Variants in MATR3 observed in about 807,000 individuals in gnomAD.
The protein encoded by MATR3 is matrin 3.
Under a neutral mutation model 85.5 loss-of-function variants are expected in MATR3, and 4 were observed. The observed-to-expected ratio is 0.05, with a 90% CI of 0.02 to 0.11. The LOEUF (loss-of-function observed/expected upper bound fraction) is 0.11, where lower values mean the gene tolerates loss of function less well. Ranked by LOEUF, MATR3 falls within the 10% of genes least tolerant of loss-of-function variation. The pLI, the probability that MATR3 is intolerant of heterozygous loss-of-function variation, is 1.00. For missense variants in MATR3, 685 were observed against 1,016.1 expected, an observed-to-expected ratio of 0.67 and a Z score of 4.43; for synonymous variants, 336 against 343.1, an observed-to-expected ratio of 0.98 and a Z score of 0.23.
At chr5:139,310,322 T>G (rs1010744411) in intron 2 of MATR3, 1 of 152,176 alleles carries the variant, frequency 6.6e-6, no homozygotes, top group African/African-American at 2.4e-5. Flanking sequence ...TTGAGAACTA[T>G]TTTAGAGGCC....
chr5:139,327,306 T>G (rs1441289474), intron 14 of MATR3, among the ~76,000 whole-genome samples: 1 of 141,574 alleles, frequency 7.1e-6, no homozygotes. Flanking sequence ...TCACTTCTGT[T>G]TTTTTTTTTT....
intron 5 of MATR3, 103 bp downstream of exon 5, chr5:139,316,291 G>A (rs553369952): frequency 1.3e-5 from 11 of 858,696 alleles, no homozygotes; most frequent in Non-Finnish European, 2.1e-5. Flanking sequence ...TATCGCCCAG[G>A]CTGGAGTGCA....
At chr5:139,310,554 AT>A (rs1754917579) in intron 2 of MATR3, 1 of 152,156 alleles carries the variant, frequency 6.6e-6, no homozygotes. Flanking sequence ...ATAATGAAAA[AT>A]TTTTAAACAT....
At chr5:139,295,605 T>TA (rs1406103809) in intron 1 of MATR3, among the ~76,000 whole-genome samples, 1 of 152,260 alleles carries the variant, frequency 6.6e-6, no homozygotes, top group East Asian at 2.0e-4. Flanking sequence ...TCTTTAAACA[T>TA]ACTAATTTTT....
intron 2 of MATR3, chr5:139,313,121 A>C (rs1487498469): frequency 6.8e-6 from 1 of 147,838 alleles, no homozygotes; most frequent in African/African-American, 2.5e-5. Context: ...TTGGTACCTT[A>C]CTCTAATTTA....
chr5:139,321,748 A>T, intron 9 of MATR3, 150 bp from the exon 10 acceptor site: 2 of 792,504 alleles, frequency 2.5e-6, no homozygotes, highest in Non-Finnish European at 4.0e-6. Context: ...GCGCCACTGC[A>T]TTCCAGCCTG....
intron 1 of MATR3, among the ~76,000 whole-genome samples, chr5:139,297,682 A>G (rs1164455755): frequency 6.6e-6 from 1 of 151,912 alleles, no homozygotes; most frequent in Non-Finnish European, 1.5e-5. Context: ...AGTGCCTTTG[A>G]TGTGATGTAT....
intron 3 of MATR3, among the ~76,000 whole-genome samples, chr5:139,284,195 T>C (rs1274349741): frequency 1.3e-5 from 2 of 152,232 alleles, no homozygotes; most frequent in Non-Finnish European, 2.9e-5. Flanking sequence ...GTACCATTTT[T>C]GTTCTTATAA....
intron 1 of MATR3, among the ~76,000 whole-genome samples, chr5:139,295,493 T>G (rs1330767942): frequency 6.6e-6 from 1 of 152,266 alleles, no homozygotes; most frequent in Non-Finnish European, 1.5e-5. Context: ...GAAGTTTCGC[T>G]TTATCATCTT....
intron 12 of MATR3, among the ~76,000 whole-genome samples, chr5:139,323,328 T>A (rs186132907): frequency 3.1e-4 from 47 of 152,280 alleles, no homozygotes; most frequent in Admixed American, 2.3e-3. Flanking sequence ...GTAAGTTAAC[T>A]GACCCAACAT....
Position 139,319,860 on chromosome 5 carries a change from CTTTTTTTTTTTTTTT to C in MATR3, c.1602+373_1602+387del, listed in dbSNP as rs58123057. Among the ~76,000 whole-genome samples the C allele has an allele frequency of 3.6e-4, 16 of 44,164 alleles. 1 individual carries two copies. The highest frequency in any genetic ancestry group is 1.2e-3 in the Admixed American group (3 of 2,546). The allele number at this position is 44,164 out of a possible 152,430, so 29.0% of individuals were successfully genotyped here. A position where few individuals can be genotyped will look rare whatever the true frequency, so the allele number is the denominator to read the frequency against. ...CTCCCAACTCAAAAAAAAAAATTTG[CTTTTTTTTTTTTTTT>C]TTTTTTTTTTTTTAAAGTATATCCC... On this transcript the variant is annotated intron_variant, in intron 9 of 14. Transcript: ENST00000394805.
At chr5:139,326,998 A>G (rs1464001528) in intron 14 of MATR3, among the ~76,000 whole-genome samples, 1 of 152,190 alleles carries the variant, frequency 6.6e-6, no homozygotes, top group African/African-American at 2.4e-5. Flanking sequence ...TTTATGACCA[A>G]AAGTATATAA....
At position 139,329,822 on chromosome 5, in the gene MATR3, G is replaced by T; in HGVS notation, c.*427G>T. The T allele has an allele frequency of 2.2e-6, 1 of 454,588 alleles. No homozygotes were observed. Among genetic ancestry groups the T allele is most frequent in the South Asian group, 1.6e-5 (1 of 64,474 alleles). 28.2% of individuals were successfully genotyped at this position (454,588 alleles called of 1,614,324 possible). On this transcript the variant is annotated 3_prime_UTR_variant, in exon 15 of 15. Transcript: ENST00000394805. Reference sequence around the variant, plus strand: ...TGAAACATTCCATGTTTTAATCTGAGCCTTGCAGACTTTCATTTGGAGTTT... The same window carrying T: ...TGAAACATTCCATGTTTTAATCTGATCCTTGCAGACTTTCATTTGGAGTTT...
At chr5:139,290,436 CTCTTTTTTTTTTTTTT>C (rs1753834892), upstream of MATR3, among the ~76,000 whole-genome samples, 1 of 50,968 alleles carries the variant, frequency 2.0e-5, no homozygotes, top group Non-Finnish European at 3.1e-5. Flanking sequence ...CGCCTGGCCG[CTCTTTTTTTTTTTTTT>C]TTTTTTTTTT....
intron 12 of MATR3, among the ~76,000 whole-genome samples, chr5:139,324,782 C>A (rs1246760577): frequency 2.0e-5 from 3 of 152,170 alleles, no homozygotes; most frequent in Admixed American, 6.5e-5. Flanking sequence ...AACTTCTGCT[C>A]TTTGTGTGAG....
chr5:139,326,360 T>G, intron 14 of MATR3, 76 bp downstream of exon 14: 1 of 1,380,592 alleles, frequency 7.2e-7, no homozygotes, highest in Non-Finnish European at 1.0e-6. Context: ...ATAAGTAAAA[T>G]GTGTATAGTG....
At chr5:139,275,142 ATTTTTTTTTTTTTTTTT>A (rs750841386) in intron 1 of MATR3, among the ~76,000 whole-genome samples, 1 of 40,910 alleles carries the variant, frequency 2.4e-5, no homozygotes, top group African/African-American at 9.4e-5. Flanking sequence ...CGCCCGGCTA[ATTTTTTTTTTTTTTTTT>A]TTTTTTTTTT....
At chr5:139,309,764 T>C (rs946709999) in intron 2 of MATR3, among the ~76,000 whole-genome samples, 3 of 152,194 alleles carry the variant, frequency 2.0e-5, no homozygotes, top group Admixed American at 6.5e-5. Flanking sequence ...GAATTCATTT[T>C]AGTTTCTGAT....
chr5:139,327,688 T>A (rs1755928502), intron 14 of MATR3, among the ~76,000 whole-genome samples: 1 of 152,146 alleles, frequency 6.6e-6, no homozygotes, highest in African/African-American at 2.4e-5. Flanking sequence ...CCCAAAATGC[T>A]GGGATTACAG....
Sources: gnomAD v4.1 joint callset for allele counts (sites outside exome capture counted in the v4.1 genomes callset) on GRCh38, gnomAD v4.1.1 for gene constraint, MANE v1.5 for transcripts, NCBI Gene and HGNC (gene_info 2026-07-23, HGNC 2026-07-21) for gene names.